Variants in FHOD3 observed in about 807,000 individuals in gnomAD.
The protein encoded by FHOD3 is FH1/FH2 domain-containing protein 3.
Under a neutral mutation model 173.0 loss-of-function variants are expected in FHOD3, and 90 were observed. The observed-to-expected ratio is 0.52, with a 90% CI of 0.44 to 0.62. FHOD3 has a LOEUF of 0.62. FHOD3 is among the 20% of genes least tolerant of loss of function. The pLI is 0.00. For synonymous variants in FHOD3, 828 were observed against 823.0 expected, an observed-to-expected ratio of 1.01 and a Z score of -0.10; for missense variants, 1,945 against 2,034.7, an observed-to-expected ratio of 0.96 and a Z score of 0.85.
At chr18:36,565,082 G>T (rs779080933) in intron 5 of FHOD3, among the ~76,000 whole-genome samples, 1 of 152,040 alleles carries the variant, frequency 6.6e-6, no homozygotes, top group African/African-American at 2.4e-5. Context: ...AAACTGGACC[G>T]GAGCTTGTTA....
chr18:36,447,264 A>T (rs2051539700), intron 3 of FHOD3, among the ~76,000 whole-genome samples: 1 of 152,082 alleles, frequency 6.6e-6, no homozygotes, highest in Non-Finnish European at 1.5e-5. Flanking sequence ...TTCTGGAGGG[A>T]CCACATTAAC....
chr18:36,771,810 G>A (rs917597912), intron 28 of FHOD3, among the ~76,000 whole-genome samples: 27 of 152,330 alleles, frequency 1.8e-4, no homozygotes, highest in African/African-American at 5.5e-4. Context: ...AGACAGAGAC[G>A]TCCCATTTGT....
At chr18:36,384,387 CAAAA>C (rs1440797369) in intron 3 of FHOD3, among the ~76,000 whole-genome samples, 1 of 149,578 alleles carries the variant, frequency 6.7e-6, no homozygotes, top group African/African-American at 2.5e-5. Context: ...CTCAAAAAAA[CAAAA>C]AAACAAACAC....
intron 3 of FHOD3, among the ~76,000 whole-genome samples, chr18:36,450,466 TATTTATTTATTTA>T (rs1568287412): frequency 6.1e-4 from 91 of 149,106 alleles, no homozygotes; most frequent in African/African-American, 2.2e-3. Flanking sequence ...TTTATTTATT[TATTTATTTATTTA>T]TTTATTTAAT....
intron 2 of FHOD3, among the ~76,000 whole-genome samples, chr18:36,361,687 AAAAAAAAAAAAAAAG>A (rs1217723327): frequency 7.7e-6 from 1 of 129,562 alleles, no homozygotes; most frequent in Non-Finnish European, 1.5e-5. Flanking sequence ...CTCCGTCTCA[AAAAAAAAAAAAAAAG>A]AAAAAAAAAG....
chr18:36,769,238 T>G (rs200866521), intron 27 of FHOD3, 27 bp from the exon 28 acceptor site: 1 of 1,612,050 alleles, frequency 6.2e-7, no homozygotes, highest in African/African-American at 1.3e-5. Flanking sequence ...CTGAGTATGT[T>G]GTGCACTCTG....
intron 5 of FHOD3, among the ~76,000 whole-genome samples, chr18:36,546,699 G>A (rs1181206180): frequency 2.6e-5 from 4 of 152,160 alleles, no homozygotes; most frequent in African/African-American, 4.8e-5. Context: ...CACTCAGATG[G>A]ATGGGTGTTT....
chr18:36,637,503 G>A (rs2034974284), intron 10 of FHOD3, among the ~76,000 whole-genome samples: 2 of 152,098 alleles, frequency 1.3e-5, no homozygotes, highest in Admixed American at 6.5e-5. Context: ...TGACCCGCCT[G>A]CCTCAGCCTC....
At chr18:36,437,397 A>G (rs929978802) in intron 3 of FHOD3, among the ~76,000 whole-genome samples, 3 of 152,196 alleles carry the variant, frequency 2.0e-5, no homozygotes, top group Admixed American at 6.5e-5. Context: ...CGATTGGCCT[A>G]TGCTTGCTTT....
chr18:36,306,076 C>T (rs750659399), intron 1 of FHOD3, among the ~76,000 whole-genome samples: 1 of 152,104 alleles, frequency 6.6e-6, no homozygotes, highest in Non-Finnish European at 1.5e-5. Context: ...AGCTTTTAAC[C>T]CTTCTGAACA....
intron 17 of FHOD3, among the ~76,000 whole-genome samples, chr18:36,703,090 T>G: frequency 6.6e-6 from 1 of 152,158 alleles, no homozygotes; most frequent in Non-Finnish European, 1.5e-5. Flanking sequence ...GTGGTGATGC[T>G]TCACCCAGAG....
At chr18:36,389,315 A>G (rs2048185601) in intron 3 of FHOD3, among the ~76,000 whole-genome samples, 1 of 152,186 alleles carries the variant, frequency 6.6e-6, no homozygotes, top group Non-Finnish European at 1.5e-5. Context: ...ACTCACCTTC[A>G]TATTCCTCCC....
intron 3 of FHOD3, among the ~76,000 whole-genome samples, chr18:36,465,968 GC>G (rs2052897832): frequency 6.6e-6 from 1 of 152,176 alleles, no homozygotes; most frequent in Non-Finnish European, 1.5e-5. Context: ...TAAAATTGGA[GC>G]AAGTCCTTGA....
intron 3 of FHOD3, among the ~76,000 whole-genome samples, chr18:36,498,469 A>G (rs2054856616): frequency 6.6e-6 from 1 of 152,224 alleles, no homozygotes; most frequent in Admixed American, 6.5e-5. Flanking sequence ...CAAATTACCA[A>G]TACCAGGTAT....
chr18:36,650,040 C>T (rs985185431), intron 11 of FHOD3, among the ~76,000 whole-genome samples: 1 of 152,168 alleles, frequency 6.6e-6, no homozygotes, highest in East Asian at 1.9e-4. Flanking sequence ...CAGACATGGG[C>T]ACCTTGCAGA....
chr18:36,536,956 T>C (rs768375211), intron 5 of FHOD3, among the ~76,000 whole-genome samples: 1 of 152,226 alleles, frequency 6.6e-6, no homozygotes, highest in Non-Finnish European at 1.5e-5. Context: ...AATAAACTTA[T>C]AGAATCAGTA....
At chr18:36,306,403 G>A (rs2092098615) in intron 1 of FHOD3, among the ~76,000 whole-genome samples, 1 of 152,176 alleles carries the variant, frequency 6.6e-6, no homozygotes, top group Non-Finnish European at 1.5e-5. Flanking sequence ...GATGATGTCT[G>A]GTGGGGTGGA....
At chr18:36,486,418 A>C (rs2054194182) in intron 3 of FHOD3, among the ~76,000 whole-genome samples, 1 of 152,206 alleles carries the variant, frequency 6.6e-6, no homozygotes, top group Non-Finnish European at 1.5e-5. Flanking sequence ...CCTGGAGTGC[A>C]GTAGCACGAT....
chr18:36,621,843 C>G (rs187250381), intron 9 of FHOD3, among the ~76,000 whole-genome samples: 38 of 152,318 alleles, frequency 2.5e-4, no homozygotes, highest in Admixed American at 2.2e-3. Flanking sequence ...TCTGGATATT[C>G]ATCAAAAAGA....
Sources: gnomAD v4.1 joint callset for allele counts (sites outside exome capture counted in the v4.1 genomes callset) on GRCh38, gnomAD v4.1.1 for gene constraint, MANE v1.5 for transcripts, NCBI Gene and HGNC (gene_info 2026-07-23, HGNC 2026-07-21) for gene names.